Variants in DLGAP1 observed in about 807,000 individuals in gnomAD.
DLGAP1 encodes the protein disks large-associated protein 1.
DLGAP1 carries 11 observed loss-of-function variants against 90.8 expected under a neutral mutation model. The observed-to-expected ratio is 0.12, with a 90% CI of 0.08 to 0.20. The LOEUF is 0.20. Ranked by LOEUF, DLGAP1 falls within the 10% of genes least tolerant of loss-of-function variation. The pLI, the probability that DLGAP1 is intolerant of heterozygous loss-of-function variation, is 1.00. For synonymous variants in DLGAP1, 558 were observed against 540.7 expected (o/e 1.03, Z -0.44); for missense variants, 1,050 against 1,333.8 (o/e 0.79, Z 3.31).
chr18:3,931,149 T>C (rs934465512), intron 3 of DLGAP1, among the ~76,000 whole-genome samples: 4 of 152,152 alleles, frequency 2.6e-5, no homozygotes, highest in Admixed American at 2.0e-4. Context: ...TTGCCACATA[T>C]ATGCTGCTGC....
chr18:3,648,137 C>T (rs2146403425), intron 7 of DLGAP1, among the ~76,000 whole-genome samples: 2 of 152,274 alleles, frequency 1.3e-5, no homozygotes, highest in Non-Finnish European at 2.9e-5. Flanking sequence ...TCGGTTAAAG[C>T]TAGGAAATAG....
At chr18:3,743,898 C>A (rs968489639) in intron 5 of DLGAP1, among the ~76,000 whole-genome samples, 12 of 152,214 alleles carry the variant, frequency 7.9e-5, no homozygotes, top group African/African-American at 2.9e-4. Flanking sequence ...GACCTGCCTG[C>A]CTCGGCCTCC....
At chr18:4,030,200 T>G (rs562334096) in intron 2 of DLGAP1, among the ~76,000 whole-genome samples, 25 of 152,192 alleles carry the variant, frequency 1.6e-4, no homozygotes, top group African/African-American at 5.8e-4. Flanking sequence ...ACCATGTTGG[T>G]CAGGCTGGTC....
At chr18:4,024,589 G>A (rs1467898728) in intron 2 of DLGAP1, among the ~76,000 whole-genome samples, 1 of 152,158 alleles carries the variant, frequency 6.6e-6, no homozygotes, top group Non-Finnish European at 1.5e-5. Context: ...AACTCACGTG[G>A]CCACATCTGT....
intron 3 of DLGAP1, among the ~76,000 whole-genome samples, chr18:3,920,176 C>T (rs2148909758): frequency 6.6e-6 from 1 of 152,130 alleles, no homozygotes; most frequent in African/African-American, 2.4e-5. Context: ...AACCCCGTCT[C>T]TACTAAAAAT....
intron 2 of DLGAP1, among the ~76,000 whole-genome samples, chr18:4,098,009 A>G (rs1380766975): frequency 6.6e-6 from 1 of 151,980 alleles, no homozygotes; most frequent in African/African-American, 2.4e-5. Flanking sequence ...GATCTCTGGG[A>G]CTCAATCGAT....
chr18:3,990,489 T>TG (rs1258076676), intron 3 of DLGAP1, among the ~76,000 whole-genome samples: 6 of 27,234 alleles, frequency 2.2e-4, no homozygotes, highest in Admixed American at 4.0e-4. Flanking sequence ...TGTTGTGGGG[T>TG]GGGGGAGGGG....
chr18:4,256,130 G>A (rs1048194725), intron 1 of DLGAP1, among the ~76,000 whole-genome samples: 3 of 152,154 alleles, frequency 2.0e-5, no homozygotes, highest in Non-Finnish European at 2.9e-5. Context: ...GGCCAGTCCT[G>A]GGGCCACAGT....
At chr18:4,137,129 C>T (rs1157258267) in intron 2 of DLGAP1, among the ~76,000 whole-genome samples, 1 of 152,056 alleles carries the variant, frequency 6.6e-6, no homozygotes, top group Non-Finnish European at 1.5e-5. Context: ...GAATTCCCAC[C>T]TATGAGTGAG....
At chr18:3,631,191 T>C (rs2058512333) in intron 7 of DLGAP1, among the ~76,000 whole-genome samples, 1 of 151,678 alleles carries the variant, frequency 6.6e-6, no homozygotes, top group East Asian at 2.0e-4. Context: ...ACCATGTTGG[T>C]CAGGCTAGCC....
intron 8 of DLGAP1, among the ~76,000 whole-genome samples, chr18:3,575,566 T>A (rs1368406580): frequency 6.6e-6 from 1 of 152,146 alleles, no homozygotes; most frequent in Non-Finnish European, 1.5e-5. Flanking sequence ...GGGAGTACAG[T>A]AGGAATACGA....
chr18:4,112,497 A>G (rs35081841), intron 2 of DLGAP1, among the ~76,000 whole-genome samples: 14,071 of 152,166 alleles, frequency 0.092, 868 homozygotes, highest in Non-Finnish European at 0.14. Flanking sequence ...TCTATTCATT[A>G]TGGAAAGTAG....
At chr18:3,533,830 T>G (rs113361311) in intron 10 of DLGAP1, among the ~76,000 whole-genome samples, 2,382 of 152,270 alleles carry the variant, frequency 0.016, 51 homozygotes, top group African/African-American at 0.054. Context: ...GATGTTTTGA[T>G]TAGAATTATT....
At chr18:3,915,809 T>C (rs60573385) in intron 3 of DLGAP1, among the ~76,000 whole-genome samples, 17,466 of 152,110 alleles carry the variant, frequency 0.11, 1,566 homozygotes, top group African/African-American at 0.25. Context: ...TTTTTTCTTT[T>C]CCTGTAGTCT....
chr18:4,019,327 A>G (rs10502318), intron 2 of DLGAP1, among the ~76,000 whole-genome samples: 20,718 of 152,034 alleles, frequency 0.14, 1,925 homozygotes, highest in Non-Finnish European at 0.18. Flanking sequence ...TTCTTTTCTC[A>G]GTGGTCTTCA....
intron 3 of DLGAP1, among the ~76,000 whole-genome samples, chr18:3,979,665 A>C (rs188170717): frequency 8.1e-4 from 124 of 152,348 alleles, no homozygotes; most frequent in East Asian, 5.8e-3. Context: ...ACAGTTAAGC[A>C]TAATGTTTAT....
intron 4 of DLGAP1, among the ~76,000 whole-genome samples, chr18:3,818,608 CT>C (rs975695923): frequency 3.8e-4 from 53 of 139,292 alleles, no homozygotes; most frequent in Admixed American, 7.2e-4. Flanking sequence ...ATTTCAATAC[CT>C]TTTTTTTTTT....
At chr18:4,288,799 G>C (rs1299196197) in intron 1 of DLGAP1, among the ~76,000 whole-genome samples, 1 of 152,116 alleles carries the variant, frequency 6.6e-6, no homozygotes, top group Non-Finnish European at 1.5e-5. Flanking sequence ...AATAAATTGG[G>C]AGGGCAGAAT....
chr18:4,035,788 A>T (rs1179852667), intron 2 of DLGAP1, among the ~76,000 whole-genome samples: 3 of 152,174 alleles, frequency 2.0e-5, no homozygotes, highest in Non-Finnish European at 2.9e-5. Context: ...TCACCAAGGG[A>T]TCACCTCTTT....
Sources: allele counts gnomAD v4.1 joint callset (sites outside exome capture counted in the v4.1 genomes callset), GRCh38; gene constraint gnomAD v4.1.1; transcripts MANE v1.5; gene names NCBI Gene and HGNC (gene_info 2026-07-23, HGNC 2026-07-21).